Variants in SAMD5 observed in about 807,000 individuals in gnomAD.
The protein encoded by SAMD5 is sterile alpha motif domain containing 5.
A neutral mutation model predicts 11.3 loss-of-function variants in SAMD5; 13 were observed. The observed-to-expected ratio is 1.15, with a 90% CI of 0.75 to 1.83. The LOEUF is 1.83. Among genes scored for constraint, SAMD5 ranks in the 40% most tolerant of loss-of-function variants. SAMD5 has a pLI of 0.00. For synonymous variants in SAMD5, 129 were observed against 111.3 expected, an observed-to-expected ratio of 1.16 and a Z score of -1.00; for missense variants, 255 against 239.1, an observed-to-expected ratio of 1.07 and a Z score of -0.44.
At chr6:147,930,087 C>T in the SAMD5 span, among the ~76,000 whole-genome samples, 64 of 152,222 alleles carry the variant, frequency 4.2e-4, no homozygotes, top group Non-Finnish European at 5.7e-4. Flanking sequence ...TAGATTATCC[C>T]TCTTAAGTTC....
chr6:147,859,373 C>T, the SAMD5 span, among the ~76,000 whole-genome samples: 10 of 152,158 alleles, frequency 6.6e-5, no homozygotes, highest in South Asian at 2.1e-4. Flanking sequence ...AAAACAAATT[C>T]GTTTCAAATG....
At chr6:147,525,439 A>G (rs650375) in intron 1 of SAMD5, among the ~76,000 whole-genome samples, 72,340 of 150,334 alleles carry the variant, frequency 0.48, 20,501 homozygotes, top group African/African-American at 0.8. Flanking sequence ...ACACTAATAC[A>G]TGGAGAAATA....
chr6:147,829,328 T>C, the SAMD5 span, among the ~76,000 whole-genome samples: 1 of 152,210 alleles, frequency 6.6e-6, no homozygotes, highest in Admixed American at 6.5e-5. Flanking sequence ...TCATAGACTC[T>C]GCCCCCTGGA....
At chr6:147,618,798 T>G (rs893683184) in intron 1 of SAMD5, among the ~76,000 whole-genome samples, 28 of 152,228 alleles carry the variant, frequency 1.8e-4, no homozygotes, top group Non-Finnish European at 4.0e-4. Flanking sequence ...ACCTTTCCCC[T>G]TTTTACGAAG....
intron 1 of SAMD5, among the ~76,000 whole-genome samples, chr6:147,558,504 C>T (rs946191326): frequency 6.6e-6 from 1 of 152,172 alleles, no homozygotes; most frequent in South Asian, 2.1e-4. Flanking sequence ...GCATCTATCA[C>T]TGTGATTCCA....
chr6:147,783,732 A>G, the SAMD5 span, among the ~76,000 whole-genome samples: 253 of 152,034 alleles, frequency 1.7e-3, 2 homozygotes, highest in African/African-American at 6.0e-3. Context: ...TCTCCTCTTC[A>G]CTTTCTGGTT....
intron 1 of SAMD5, among the ~76,000 whole-genome samples, chr6:147,523,290 A>G (rs981657603): frequency 6.6e-6 from 1 of 152,246 alleles, no homozygotes; most frequent in African/African-American, 2.4e-5. Context: ...TCTACAAGAA[A>G]TATTACTATA....
intron 1 of SAMD5, among the ~76,000 whole-genome samples, chr6:147,707,913 A>G (rs1235256646): frequency 6.6e-6 from 1 of 152,028 alleles, no homozygotes; most frequent in African/African-American, 2.4e-5. Context: ...TTAGGGAGCA[A>G]TTTAGGGTGG....
chr6:147,671,270 T>C (rs367829351), intron 1 of SAMD5, among the ~76,000 whole-genome samples: 2 of 152,286 alleles, frequency 1.3e-5, no homozygotes, highest in South Asian at 2.1e-4. Context: ...AATGAAAAGT[T>C]TGAAACATTA....
the SAMD5 span, among the ~76,000 whole-genome samples, chr6:147,899,170 C>CAAAAAAAAAAAAAAAAAA: frequency 1.6e-5 from 1 of 62,624 alleles, no homozygotes; most frequent in African/African-American, 7.1e-5. Flanking sequence ...GACTCTGTCT[C>CAAAAAAAAAAAAAAAAAA]AAAAAAAAAA....
chr6:147,778,120 T>C, the SAMD5 span, among the ~76,000 whole-genome samples: 4 of 152,214 alleles, frequency 2.6e-5, no homozygotes, highest in South Asian at 8.3e-4. Flanking sequence ...CTTCTGTACA[T>C]CCTAACAATT....
chr6:147,932,537 C>T, the SAMD5 span, among the ~76,000 whole-genome samples: 1 of 151,902 alleles, frequency 6.6e-6, no homozygotes, highest in South Asian at 2.1e-4. Context: ...CTTCCCAACT[C>T]TTACCCTCTC....
intron 1 of SAMD5, among the ~76,000 whole-genome samples, chr6:147,582,639 G>A (rs1383272888): frequency 6.6e-6 from 1 of 152,222 alleles, no homozygotes; most frequent in Non-Finnish European, 1.5e-5. Flanking sequence ...GCTCTAAAGT[G>A]AAGCGGAGCT....
At chr6:147,589,284 G>A (rs1019897075) in intron 1 of SAMD5, among the ~76,000 whole-genome samples, 6 of 152,016 alleles carry the variant, frequency 3.9e-5, no homozygotes, top group African/African-American at 1.4e-4. Context: ...AACAATGCCC[G>A]TTTTCACTTT....
the SAMD5 span, among the ~76,000 whole-genome samples, chr6:147,883,496 TATACATTTCAGAGTTTAG>T: frequency 1.3e-5 from 2 of 152,232 alleles, no homozygotes; most frequent in Non-Finnish European, 2.9e-5. Flanking sequence ...CCCTCACAGC[TATACATTTCAGAGTTTAG>T]TGTATTTTTC....
the SAMD5 span, among the ~76,000 whole-genome samples, chr6:147,939,352 C>T: frequency 6.6e-6 from 1 of 152,152 alleles, no homozygotes; most frequent in Non-Finnish European, 1.5e-5. Context: ...CCTCCCCTCC[C>T]TGGAGGTTGA....
the SAMD5 span, among the ~76,000 whole-genome samples, chr6:147,797,769 A>G: frequency 1.3e-4 from 19 of 145,614 alleles, no homozygotes; most frequent in African/African-American, 4.7e-4. Context: ...CTATTCAGAG[A>G]TTCAACTTCT....
the SAMD5 span, among the ~76,000 whole-genome samples, chr6:147,916,614 G>A: frequency 6.6e-6 from 1 of 151,868 alleles, no homozygotes; most frequent in Non-Finnish European, 1.5e-5. Context: ...GTGCAGGTTA[G>A]TTACATATGT....
intron 1 of SAMD5, among the ~76,000 whole-genome samples, chr6:147,600,496 G>A (rs1483185536): frequency 6.6e-6 from 1 of 152,140 alleles, no homozygotes; most frequent in African/African-American, 2.4e-5. Context: ...GTTTCATATG[G>A]AGCCTCCTCC....
Sources: allele counts gnomAD v4.1 joint callset (sites outside exome capture counted in the v4.1 genomes callset), GRCh38; gene constraint gnomAD v4.1.1; transcripts MANE v1.5; gene names NCBI Gene and HGNC (gene_info 2026-07-23, HGNC 2026-07-21).